The following PLXNA3 variants were observed in gnomAD, a reference collection of about 807,000 sequenced individuals.
The protein encoded by PLXNA3 is plexin-A3.
Under a neutral mutation model 118.8 loss-of-function variants are expected in PLXNA3, and 52 were observed. The ratio of observed to expected loss-of-function variants is 0.44; its 90% confidence interval spans 0.35 to 0.55. The LOEUF is 0.55. Among genes scored for constraint, PLXNA3 ranks in the 20% least tolerant of loss-of-function variants. The pLI, the probability that PLXNA3 is intolerant of heterozygous loss-of-function variation, is 0.01. For synonymous variants in PLXNA3, 925 were observed against 762.4 expected (o/e 1.21, Z -3.51); for missense variants, 1,660 against 1,730.8 (o/e 0.96, Z 0.73).
rs1178704667 is a variant in PLXNA3, at chrX:154,474,960, G to GT, written c.*2289dup. The GT allele has an allele frequency of 1.9e-3, 166 of 87,700 alleles. 1 individual carries two copies. The highest frequency in any genetic ancestry group is 6.4e-3 in the African/African-American group (149 of 23,280). 7.2% of individuals were successfully genotyped at this position (87,700 alleles called of 1,213,427 possible). On this transcript the variant is annotated 3_prime_UTR_variant, in exon 33 of 33. Transcript: ENST00000369682. The stretch of plus-strand genomic sequence containing the variant: ...TTGCCACCATACCCAGCTGTTTTTT[G>GT]TTTTTTTTTTTTTTCTTTAGTAGAG...
At chrX:154,463,339 G>T in intron 4 of PLXNA3, 52 bp from the exon 5 acceptor site, 2 of 1,207,632 alleles carry the variant, frequency 1.7e-6, no homozygotes, top group South Asian at 3.5e-5. Flanking sequence ...GGAGAAGACA[G>T]TGTCCCAGGT....
Position 154,460,291 on chromosome X carries a change from G to A in PLXNA3, c.108G>A (p.Leu36=). ...TGACAGACACCACGCTTACCCACCT[G>A]GCTGTGCACCGGGTGACTGGGGAGG... ...FVVTDTTLTH[L]AVHRVTGEVF... The change falls in exon 2 of 33, where the codon CTG becomes CTA. Residue 36 remains leucine (L), a synonymous_variant. Coordinates refer to ENST00000369682, the MANE Select transcript of PLXNA3 (RefSeq NM_017514.5). 1.7e-6 allele frequency: 2 copies of A among 1,210,294 alleles called. No individual in the cohort carries two copies. The highest frequency in any genetic ancestry group is 2.2e-6 in the Non-Finnish European group (2 of 894,454).
At chrX:154,462,464 G>C (rs782744196) in intron 4 of PLXNA3, among the ~76,000 whole-genome samples, 154 bp downstream of exon 4, 4 of 112,020 alleles carry the variant, frequency 3.6e-5, no homozygotes, top group Non-Finnish European at 7.5e-5. Flanking sequence ...CCAGGCGCCT[G>C]GCCCTGCTCC....
chrX:154,470,359 A>G, intron 29 of PLXNA3, 83 bp from the exon 30 acceptor site: 1 of 1,050,185 alleles, frequency 9.5e-7, no homozygotes, highest in Non-Finnish European at 1.3e-6. Flanking sequence ...CTCTTTGCCA[A>G]GCCTTTCTGC....
chrX:154,466,714 A>T lies in PLXNA3; in HGVS notation c.3028A>T (p.Ile1010Phe). ...PITLAIDRAN[I>F]SSPGLIYTYT... ...CACACTTGCCATTGACCGGGCTAACATCTCCAGCCCCGGGCTCATCTACAC... is the reference window on the plus strand; with the variant it reads ...CACACTTGCCATTGACCGGGCTAACTTCTCCAGCCCCGGGCTCATCTACAC... The change falls in exon 17 of 33, where the codon ATC becomes TTC. Residue 1010 changes from isoleucine (I) to phenylalanine (F), a missense_variant. This residue lies in a region of PLXNA3 where 869 missense variants were observed against 1,078.7 expected (regional missense o/e 0.81). Coordinates refer to ENST00000369682, the MANE Select transcript of PLXNA3 (RefSeq NM_017514.5). 1 of 1,196,238 alleles carries T rather than the reference A, an allele frequency of 8.4e-7. No homozygotes were observed. The highest frequency in any genetic ancestry group is 1.1e-6 in the Non-Finnish European group (1 of 887,649).
At chrX:154,471,673 G>C in intron 32 of PLXNA3, 35 bp downstream of exon 32, 1 of 1,164,679 alleles carries the variant, frequency 8.6e-7, no homozygotes, top group South Asian at 1.9e-5. Context: ...CAGTTACTTG[G>C]TCCTGAAGGT....
At chrX:154,467,201 C>T (rs782255886) in intron 18 of PLXNA3, 31 bp from the exon 19 acceptor site, 14 of 1,208,968 alleles carry the variant, frequency 1.2e-5, no homozygotes, top group South Asian at 1.1e-4. Flanking sequence ...CATGGCTTCA[C>T]GTGCCTGGCT....
rs782688241 is a variant in PLXNA3, at chrX:154,463,699, G to A, written c.1547+9G>A. On this transcript the variant is annotated intron_variant, in intron 6 of 32. Transcript: ENST00000369682. ...TGTGTGCTGCGACACAGGTGAGGGCGGGGACCCCTGCTCGGGGAGTTGGAG... is the reference window on the plus strand; with the variant it reads ...TGTGTGCTGCGACACAGGTGAGGGCAGGGACCCCTGCTCGGGGAGTTGGAG... 57 of 1,172,610 alleles carry A rather than the reference G, an allele frequency of 4.9e-5. No individual in the cohort carries two copies. The Admixed American group carries it at 5.2e-4, about 11-fold the overall frequency.
In PLXNA3 at chrX:154,469,075, C is replaced by T. The variant is rs182762097; in HGVS notation, c.4454C>T (p.Pro1485Leu). The T allele has an allele frequency of 7.4e-5, 89 of 1,210,265 alleles. No individual in the cohort carries two copies. The highest frequency in any genetic ancestry group is 4.5e-4 in the African/African-American group (26 of 57,613). ...CCTCAGACCCTTCACTGCGTGTGTC[C>T]GGAGAACGAGGGCAGCGCCCAGGTC... is the stretch of plus-strand genomic sequence containing the variant. ...YKTLTLHCVC[P>L]ENEGSAQVPV... is the part of the protein sequence containing the mutation. Residue 1485 changes from proline (P) to leucine (L), a missense_variant, in exon 26 of 33, where the codon CCG becomes CTG. By Grantham distance (98) the Pro-to-Leu change is moderately conservative. Coordinates refer to ENST00000369682, the MANE Select transcript of PLXNA3 (RefSeq NM_017514.5).
chrX:154,458,964 G>A (rs1219619014), intron 1 of PLXNA3, among the ~76,000 whole-genome samples: 1 of 109,814 alleles, frequency 9.1e-6, no homozygotes, highest in African/African-American at 3.3e-5. Context: ...ACAGGATGTG[G>A]CCTCTCTTTT....
chrX:154,460,204 C>G lies in PLXNA3; in HGVS notation c.21C>G (p.Leu7=), dbSNP rs781929516. 1 of 1,206,092 alleles carries G rather than the reference C, an allele frequency of 8.3e-7. No individual in the cohort carries two copies. Among genetic ancestry groups the G allele is most frequent in the East Asian group, 3.0e-5 (1 of 33,770 alleles). MPSVCL[L]LLLFLAVGGA... is the part of the protein sequence containing the mutation. ...CGGCCATGCCCTCTGTCTGCCTCCT[C>G]CTGCTGCTCTTCCTTGCCGTGGGGG... The change falls in exon 2 of 33, where the codon CTC becomes CTG. Residue 7 remains leucine (L), a synonymous_variant. Coordinates refer to ENST00000369682, the MANE Select transcript of PLXNA3 (RefSeq NM_017514.5).
At position 154,467,679 on chromosome X, in the gene PLXNA3, G is replaced by T. The variant is rs1557207785; in HGVS notation, c.3576G>T (p.Gln1192His). ...ACTCACCCAGCCAGACTGGCCGGCA[G>T]CCTGTCATGGTAGGTGGGGATGGGG... The part of the protein sequence containing the change: ...LCDSPSQTGR[Q>H]PVMVLVGGLE... Residue 1192 changes from glutamine (Q) to histidine (H), a missense_variant, in exon 20 of 33, where the codon CAG becomes CAT. Around this residue, in one of 2 missense-constraint regions of PLXNA3, gnomAD observed 869 missense variants for 1,078.7 expected, o/e 0.81. Coordinates refer to ENST00000369682, the MANE Select transcript of PLXNA3 (RefSeq NM_017514.5). 8.3e-7 allele frequency: 1 copy of T among 1,207,766 alleles called. No homozygotes were observed. Among genetic ancestry groups the T allele is most frequent in the Non-Finnish European group, 1.1e-6 (1 of 894,711 alleles).
At chrX:154,469,273 C>T (rs1412596963) in intron 26 of PLXNA3, 58 bp downstream of exon 26, 2 of 1,162,102 alleles carry the variant, frequency 1.7e-6, no homozygotes, top group African/African-American at 3.5e-5. Context: ...GCCGTGTGAC[C>T]TCCGTGGGCT....
rs2069066597 is a variant in PLXNA3, at chrX:154,465,540, A to G, written c.2341+20A>G. 8.5e-7 allele frequency: 1 copy of G among 1,175,638 alleles called. No homozygotes were observed. The highest frequency in any genetic ancestry group is 3.0e-5 in the East Asian group (1 of 33,707). On this transcript the variant is annotated intron_variant, in intron 12 of 32. Transcript: ENST00000369682. Reference sequence around the variant, plus strand: ...TCCGAGGTGAAGGCATGGGCCAGGGAGCTTCCCTCCTAAGGCAATTGGCAC... The same window carrying G: ...TCCGAGGTGAAGGCATGGGCCAGGGGGCTTCCCTCCTAAGGCAATTGGCAC...
At position 154,461,361 on chromosome X, in the gene PLXNA3, G is replaced by C; in HGVS notation, c.857G>C (p.Gly286Ala). 8.3e-7 allele frequency: 1 copy of C among 1,212,066 alleles called. No individual in the cohort carries two copies. Among genetic ancestry groups the C allele is most frequent in the Non-Finnish European group, 1.1e-6 (1 of 895,583 alleles). Residue 286 changes from glycine (G) to alanine (A), a missense_variant, in exon 3 of 33, where the codon GGC becomes GCC. Around this residue, in one of 2 missense-constraint regions of PLXNA3, gnomAD observed 791 missense variants for 652.1 expected, o/e 1.21. Coordinates refer to ENST00000369682, the MANE Select transcript of PLXNA3 (RefSeq NM_017514.5). ...TTCCCCATCGGCTGCTCCTGGCGCG[G>C]CGTGGAGTACCGCTTGGTGCAGAGC... ...VEFPIGCSWR[G>A]VEYRLVQSAH...
chrX:154,466,734 C>G lies in PLXNA3; in HGVS notation c.3048C>G (p.Ile1016Met), dbSNP rs782407095. The G allele has an allele frequency of 4.2e-6, 5 of 1,196,604 alleles. No homozygotes were observed. Among genetic ancestry groups the G allele is most frequent in the Non-Finnish European group, 4.5e-6 (4 of 887,601 alleles). Residue 1016 changes from isoleucine (I) to methionine (M), a missense_variant, in exon 17 of 33, where the codon ATC (isoleucine) becomes ATG (methionine). Transcript: ENST00000369682. ...DRANISSPGLIYTYTQDPTVT... is the reference protein window; with the variant it reads ...DRANISSPGLMYTYTQDPTVT... ...CTAACATCTCCAGCCCCGGGCTCAT[C>G]TACACCTACACTCAGGACCCCACCG...
At chrX:154,459,978 G>C (rs782063394) in intron 1 of PLXNA3, among the ~76,000 whole-genome samples, 179 bp from the exon 2 acceptor site, 1 of 112,978 alleles carries the variant, frequency 8.9e-6, no homozygotes, top group East Asian at 2.8e-4. Context: ...CATGGGGGCT[G>C]AGGGACGATT....
At chrX:154,470,749 C>CA in intron 30 of PLXNA3, 138 bp downstream of exon 30, 1 of 595,887 alleles carries the variant, frequency 1.7e-6, no homozygotes, top group East Asian at 3.4e-5. Context: ...TTGACACTGA[C>CA]GGTGCCATCA....
In PLXNA3 at chrX:154,475,476, G is replaced by A. The variant is rs1557210735; in HGVS notation, c.*2791G>A. On this transcript the variant is annotated 3_prime_UTR_variant, in exon 33 of 33. Coordinates refer to ENST00000369682, the MANE Select transcript of PLXNA3 (RefSeq NM_017514.5). The stretch of plus-strand genomic sequence containing the variant: ...GTGGCTTGGACAGCCACCTGAGTTG[G>A]GTTTAAAAGCTGCCAGCTCCAGCCG... 1 of 112,148 alleles carries A rather than the reference G, an allele frequency of 8.9e-6. No homozygotes were observed. Among genetic ancestry groups the A allele is most frequent in the Non-Finnish European group, 1.9e-5 (1 of 53,196 alleles). The allele number at this position is 112,148 out of a possible 1,213,427, so 9.2% of individuals were successfully genotyped here.
Sources: gnomAD v4.1 joint callset for allele counts (sites outside exome capture counted in the v4.1 genomes callset) on GRCh38, gnomAD v4.1.1 for gene constraint, gnomAD v4.1.1 regional missense constraint, MANE v1.5 for transcripts, NCBI Gene and HGNC (gene_info 2026-07-23, HGNC 2026-07-21) for gene names.